Variants in LRBA observed in about 807,000 individuals in gnomAD.
LRBA encodes lipopolysaccharide-responsive and beige-like anchor protein.
In LRBA, 176 loss-of-function variants were observed where a neutral mutation model predicts 330.0. That is an observed-to-expected ratio of 0.53 (90% CI 0.47 to 0.60). The LOEUF is 0.60. Among genes scored for constraint, LRBA ranks in the 20% least tolerant of loss-of-function variants. The probability of loss-of-function intolerance (pLI) is 0.00; values close to 1 mark genes in which losing one functional copy is unlikely to be tolerated. For synonymous variants in LRBA, 1,230 were observed against 1,193.0 expected (o/e 1.03, Z -0.64); for missense variants, 3,259 against 3,444.8 (o/e 0.95, Z 1.35).
At chr4:150,815,920 T>G (rs1049003049) in intron 31 of LRBA, among the ~76,000 whole-genome samples, 5 of 151,930 alleles carry the variant, frequency 3.3e-5, no homozygotes, top group Non-Finnish European at 7.4e-5. Flanking sequence ...CTATAAAATT[T>G]GTAAAAAAAT....
At chr4:150,370,968 G>A (rs544704698) in intron 47 of LRBA, among the ~76,000 whole-genome samples, 2 of 151,960 alleles carry the variant, frequency 1.3e-5, no homozygotes, top group Non-Finnish European at 2.9e-5. Context: ...TTTCTAAAGC[G>A]AAAGGAGTAT....
intron 2 of LRBA, among the ~76,000 whole-genome samples, chr4:150,949,477 C>T (rs1239920173): frequency 2.6e-5 from 4 of 151,868 alleles, no homozygotes; most frequent in South Asian, 2.1e-4. Flanking sequence ...TTCTGCACCT[C>T]GATTATACCA....
At chr4:150,553,693 A>G (rs1581656353) in intron 40 of LRBA, among the ~76,000 whole-genome samples, 2 of 152,220 alleles carry the variant, frequency 1.3e-5, no homozygotes, top group African/African-American at 4.8e-5. Flanking sequence ...GGGGGGTAGA[A>G]GGAGTCAAAT....
chr4:150,343,573 C>T (rs762310564), intron 48 of LRBA, among the ~76,000 whole-genome samples: 12 of 152,128 alleles, frequency 7.9e-5, no homozygotes, highest in Non-Finnish European at 1.8e-4. Context: ...TCTACTCAAT[C>T]CAGCCCAGGT....
chr4:150,972,337 TAGA>T (rs1274028862), intron 2 of LRBA, among the ~76,000 whole-genome samples: 1 of 152,048 alleles, frequency 6.6e-6, no homozygotes, highest in Non-Finnish European at 1.5e-5. Context: ...ACAAACTCTG[TAGA>T]AGAGTTAAAT....
At chr4:150,873,960 T>C (rs1011629672) in intron 17 of LRBA, among the ~76,000 whole-genome samples, 2 of 152,206 alleles carry the variant, frequency 1.3e-5, no homozygotes, top group African/African-American at 4.8e-5. Context: ...CAAATCTTAG[T>C]ACAAAAACTT....
At chr4:150,356,480 T>C (rs1435105762) in intron 47 of LRBA, among the ~76,000 whole-genome samples, 2 of 152,012 alleles carry the variant, frequency 1.3e-5, no homozygotes, top group South Asian at 2.1e-4. Context: ...ATTTTATCTA[T>C]AGGTAAATTT....
intron 47 of LRBA, among the ~76,000 whole-genome samples, chr4:150,393,333 CT>C (rs761503574): frequency 2.4e-3 from 342 of 141,494 alleles, no homozygotes; most frequent in Middle Eastern, 7.1e-3. Flanking sequence ...GTGCTAAAAT[CT>C]TTTTTTTTTT....
At chr4:150,437,580 A>G (rs565090674) in intron 44 of LRBA, among the ~76,000 whole-genome samples, 1 of 151,094 alleles carries the variant, frequency 6.6e-6, no homozygotes, top group South Asian at 2.1e-4. Flanking sequence ...TTAAAAAAAG[A>G]ATAGTAGACA....
At chr4:150,761,696 A>G (rs1338619874) in intron 35 of LRBA, 87 bp downstream of exon 35, 10 of 760,604 alleles carry the variant, frequency 1.3e-5, no homozygotes, top group Non-Finnish European at 2.2e-5. Flanking sequence ...CAAACAGTAA[A>G]TACAGAACCC....
At chr4:150,462,279 C>G (rs188396055) in intron 44 of LRBA, among the ~76,000 whole-genome samples, 7 of 151,688 alleles carry the variant, frequency 4.6e-5, no homozygotes, top group Admixed American at 3.9e-4. Flanking sequence ...AAAATTGATT[C>G]CTATTTTTTT....
In LRBA at chr4:150,355,504, G is replaced by T. The variant is rs1737718837; in HGVS notation, c.7195-5345C>A. Reference sequence around the variant, plus strand: ...ATTTTTATAAAAAGTTAAATAAAAAGATCAAATATTCTTTATACACTTTTT... The same window carrying T: ...ATTTTTATAAAAAGTTAAATAAAAATATCAAATATTCTTTATACACTTTTT... On this transcript the variant is annotated intron_variant, in intron 47 of 56. Transcript: ENST00000651943. 3.9e-5 allele frequency among the ~76,000 whole-genome samples: 6 copies of T among 151,958 alleles called. 1 individual carries two copies. In the South Asian group the frequency reaches 1.2e-3, roughly 32 times the overall value.
At chr4:150,453,713 C>T (rs1753670567) in intron 44 of LRBA, among the ~76,000 whole-genome samples, 3 of 152,102 alleles carry the variant, frequency 2.0e-5, no homozygotes, top group Non-Finnish European at 2.9e-5. Context: ...ATTCACAGAT[C>T]TCTTGCAACA....
chr4:150,815,453 G>C (rs932085287), intron 31 of LRBA, among the ~76,000 whole-genome samples: 23 of 151,838 alleles, frequency 1.5e-4, no homozygotes, highest in Admixed American at 1.2e-3. Flanking sequence ...ACTGGGCCAG[G>C]GGAAACCAGC....
At chr4:150,927,937 C>A (rs1347687422) in intron 4 of LRBA, among the ~76,000 whole-genome samples, 2 of 152,020 alleles carry the variant, frequency 1.3e-5, no homozygotes, top group Non-Finnish European at 2.9e-5. Context: ...CTCTAAAGGG[C>A]ACTAAAATAA....
At chr4:150,395,190 CTAT>C (rs1744561174) in intron 47 of LRBA, among the ~76,000 whole-genome samples, 1 of 152,034 alleles carries the variant, frequency 6.6e-6, no homozygotes. Flanking sequence ...ATCATCTATC[CTAT>C]TATTTACCTT....
intron 47 of LRBA, among the ~76,000 whole-genome samples, chr4:150,397,033 C>CA (rs966911726): frequency 6.6e-6 from 1 of 151,894 alleles, no homozygotes; most frequent in African/African-American, 2.4e-5. Flanking sequence ...AAGAGAAAAG[C>CA]AAAAAAACAC....
chr4:150,279,432 T>C (rs1747226696), intron 55 of LRBA, among the ~76,000 whole-genome samples: 1 of 152,210 alleles, frequency 6.6e-6, no homozygotes, highest in Admixed American at 6.5e-5. Context: ...TGTAATCGCA[T>C]GTCCACCTGG....
At chr4:150,809,104 C>T (rs1434778225) in intron 31 of LRBA, among the ~76,000 whole-genome samples, 2 of 151,994 alleles carry the variant, frequency 1.3e-5, no homozygotes, top group Non-Finnish European at 2.9e-5. Context: ...GGAGGAAATC[C>T]AAGGAAAAGA....
Sources: gnomAD v4.1 joint callset for allele counts (sites outside exome capture counted in the v4.1 genomes callset) on GRCh38, gnomAD v4.1.1 for gene constraint, MANE v1.5 for transcripts, NCBI Gene and HGNC (gene_info 2026-07-23, HGNC 2026-07-21) for gene names.